The following CCND3 variants were observed in gnomAD, a reference collection of about 807,000 sequenced individuals.
CCND3 encodes cyclin D3, also known as G1/S-specific cyclin-D3.
A neutral mutation model predicts 28.7 loss-of-function variants in CCND3; 9 were observed. The observed-to-expected ratio is 0.31, with a 90% CI of 0.19 to 0.55. CCND3 has a LOEUF of 0.55. Ranked by LOEUF, CCND3 falls within the 20% of genes least tolerant of loss-of-function variation. CCND3 has a pLI of 0.93. For missense variants in CCND3, 315 were observed against 385.8 expected (o/e 0.82, Z 1.54); for synonymous variants, 164 against 163.9 (o/e 1.00, Z 0.00).
chr6:42,000,510 G>T (rs1015050514), intron 1 of CCND3, among the ~76,000 whole-genome samples: 1 of 149,044 alleles, frequency 6.7e-6, no homozygotes, highest in Non-Finnish European at 1.5e-5. Flanking sequence ...TTATAAGCGT[G>T]AGCCACCGCG....
intron 1 of CCND3, among the ~76,000 whole-genome samples, chr6:41,981,212 A>G (rs936872152): frequency 3.9e-5 from 6 of 152,020 alleles, no homozygotes; most frequent in Admixed American, 1.3e-4. Flanking sequence ...ATTTATTTTT[A>G]TTTACTTTTT....
intron 1 of CCND3, among the ~76,000 whole-genome samples, chr6:42,020,309 C>A (rs1342362335): frequency 6.6e-6 from 1 of 152,186 alleles, no homozygotes; most frequent in Non-Finnish European, 1.5e-5. Flanking sequence ...AAAAGAAAAA[C>A]CTTAAGAACA....
rs1238860882 is a variant in CCND3 at position 41,951,575 on chromosome 6, C to CACAA, written c.-45-10991_-45-10990insTTGT. On this transcript the variant is annotated intron_variant, in intron 1 of 4. Coordinates refer to the CCND3 transcript ENST00000372988. The stretch of plus-strand genomic sequence containing the variant: ...ACACACACACACACACACACACACA[C>CACAA]AAAAAAAAAGATTAAGTGGGAGTAA... Among the ~76,000 whole-genome samples, 338 of 70,170 alleles carry CACAA rather than the reference C, an allele frequency of 4.8e-3. 9 individuals carry two copies. The highest frequency in any genetic ancestry group is 0.038 in the East Asian group (77 of 2,028). 46.0% of individuals were successfully genotyped at this position (70,170 alleles called of 152,430 possible). A position where few individuals can be genotyped will look rare whatever the true frequency, so the allele number is the denominator to read the frequency against.
rs144263828 is a variant in CCND3, at chr6:41,995,536, G to A, written c.-46+52965C>T. On this transcript the variant is annotated intron_variant, in intron 1 of 4. Transcript: ENST00000372988. Reference sequence around the variant, plus strand: ...CTCCCAAAGTGCTGGGATTACAGGCGTGAGCCACTGCACATGCCCAAAGTA... The same window carrying A: ...CTCCCAAAGTGCTGGGATTACAGGCATGAGCCACTGCACATGCCCAAAGTA... Among the ~76,000 whole-genome samples, 1,407 of 152,144 alleles carry A rather than the reference G, an allele frequency of 9.2e-3. 23 individuals carry two copies. Among genetic ancestry groups the A allele is most frequent in the African/African-American group, 0.032 (1,345 of 41,492 alleles).
At chr6:41,949,972 G>A (rs1472075852) in intron 1 of CCND3, among the ~76,000 whole-genome samples, 14 of 151,216 alleles carry the variant, frequency 9.3e-5, no homozygotes, top group African/African-American at 1.7e-4. Context: ...GTGTGGTGGC[G>A]GGTGCCTGTA....
At position 41,935,621 on chromosome 6, in the gene CCND3, G is replaced by C; in HGVS notation, c.*319C>G. 1 of 470,780 alleles carries C rather than the reference G, an allele frequency of 2.1e-6. No homozygotes were observed. The highest frequency in any genetic ancestry group is 3.1e-5 in the East Asian group (1 of 32,682). The allele number at this position is 470,780 out of a possible 1,614,324, so 29.2% of individuals were successfully genotyped here. A position where few individuals can be genotyped will look rare whatever the true frequency, so the allele number is the denominator to read the frequency against. On this transcript the variant is annotated 3_prime_UTR_variant, in exon 5 of 5. Coordinates refer to ENST00000372991, the MANE Select transcript of CCND3 (RefSeq NM_001760.5). ...AAACATGAGAGCCCCCAGGGGTGGG[G>C]GGGGGCGTTCAAAAGGAATGCTGGT...
intron 1 of CCND3, among the ~76,000 whole-genome samples, chr6:42,007,345 G>A (rs1763206228): frequency 6.6e-6 from 1 of 152,188 alleles, no homozygotes; most frequent in Admixed American, 6.5e-5. Context: ...TAGATGGGCG[G>A]GTGGATGGCC....
upstream of CCND3, chr6:41,941,916 C>T (rs1177720446): frequency 5.1e-6 from 1 of 197,948 alleles, no homozygotes; most frequent in East Asian, 1.1e-4. This position sits in a 1 kb window ranked among gnomAD's most constrained non-coding sequence, Gnocchi z 6.1. Context: ...TGGCTGAGCG[C>T]TCTCCCCTCC....
chr6:42,035,390 C>T (rs898540547), intron 1 of CCND3, among the ~76,000 whole-genome samples: 2 of 152,056 alleles, frequency 1.3e-5, no homozygotes, highest in African/African-American at 4.8e-5. Context: ...TTTTTTGAGA[C>T]GGAGTCTCAC....
At chr6:41,940,777 G>A in intron 1 of CCND3, 192 bp from the exon 2 acceptor site, 1 of 809,474 alleles carries the variant, frequency 1.2e-6, no homozygotes, top group Non-Finnish European at 2.1e-6. Context: ...CCTCTGCGCG[G>A]CCTCCTCCCC....
At chr6:41,961,800 T>C (rs996363076) in intron 1 of CCND3, among the ~76,000 whole-genome samples, 10 of 152,052 alleles carry the variant, frequency 6.6e-5, no homozygotes, top group Admixed American at 3.9e-4. Context: ...TACCTCAAAC[T>C]CAAGATGCTC....
intron 1 of CCND3, among the ~76,000 whole-genome samples, chr6:42,015,219 C>A (rs6906330): frequency 0.77 from 117,358 of 151,444 alleles, 46,312 homozygotes; most frequent in Non-Finnish European, 0.85. Flanking sequence ...CCAGAATGGA[C>A]ACCCTTAACC....
chr6:42,006,832 C>T (rs4714543), intron 1 of CCND3, among the ~76,000 whole-genome samples: 148,372 of 151,452 alleles, frequency 0.98, 72,748 homozygotes, highest in East Asian at 1. Flanking sequence ...GGTGTGAACC[C>T]AGGGGGCAGA....
intron 1 of CCND3, among the ~76,000 whole-genome samples, chr6:42,022,622 G>A (rs915001710): frequency 6.6e-6 from 1 of 152,202 alleles, no homozygotes; most frequent in Non-Finnish European, 1.5e-5. Flanking sequence ...CAACCGCCAG[G>A]GGGTCTTCCC....
intron 1 of CCND3, among the ~76,000 whole-genome samples, chr6:42,037,513 G>A (rs1350424741): frequency 6.6e-6 from 1 of 151,940 alleles, no homozygotes; most frequent in African/African-American, 2.4e-5. Flanking sequence ...GGGATTACAG[G>A]CGTGAGCCAC....
At chr6:41,985,223 T>G (rs1762452190) in intron 1 of CCND3, among the ~76,000 whole-genome samples, 1 of 151,010 alleles carries the variant, frequency 6.6e-6, no homozygotes, top group Non-Finnish European at 1.5e-5. Flanking sequence ...TCCAAAAAAA[T>G]CTTTGCCCAG....
At chr6:42,000,717 G>C (rs867067486) in intron 1 of CCND3, among the ~76,000 whole-genome samples, 81 of 150,986 alleles carry the variant, frequency 5.4e-4, no homozygotes, top group Middle Eastern at 3.4e-3. Flanking sequence ...ACAGGCATGT[G>C]CCACCATGCC....
At position 41,941,131 on chromosome 6, in the gene CCND3, A is replaced by C; in HGVS notation, c.198+321T>G. On this transcript the variant is annotated intron_variant, in intron 1 of 4. Coordinates refer to ENST00000372991, the MANE Select transcript of CCND3 (RefSeq NM_001760.5). This position sits in a 1 kb window ranked among gnomAD's most constrained non-coding sequence, Gnocchi z 6.1. ...GGTTTTCCAGGCGCGCTCTCCGGAGAAGGCCGGGAGGCGGAGGGAAGCGGG... is the reference window on the plus strand; with the variant it reads ...GGTTTTCCAGGCGCGCTCTCCGGAGCAGGCCGGGAGGCGGAGGGAAGCGGG... 4.0e-6 allele frequency: 6 copies of C among 1,494,394 alleles called. No individual in the cohort carries two copies. Among genetic ancestry groups the C allele is most frequent in the Non-Finnish European group, 5.3e-6 (6 of 1,126,602 alleles). 92.6% of individuals were successfully genotyped at this position (1,494,394 alleles called of 1,614,324 possible).
chr6:41,941,430 G>T lies in CCND3; in HGVS notation c.198+22C>A. 6.2e-7 allele frequency: 1 copy of T among 1,606,064 alleles called. No homozygotes were observed. Among genetic ancestry groups the T allele is most frequent in the Non-Finnish European group, 8.5e-7 (1 of 1,177,964 alleles). ...GTCCAGACCCGGGAGCGGTGGGGGA[G>T]GGGGACGCGTCCGGGCGGTACCTCC... On this transcript the variant is annotated intron_variant, in intron 1 of 4. Transcript: ENST00000372991. The surrounding 1 kb of genome is among the most constrained non-coding windows in gnomAD (Gnocchi z 6.1).
Sources: gnomAD v4.1 joint callset for allele counts (sites outside exome capture counted in the v4.1 genomes callset) on GRCh38, gnomAD v4.1.1 for gene constraint, Gnocchi (gnomAD v3.1) non-coding constraint, MANE v1.5 for transcripts, NCBI Gene and HGNC (gene_info 2026-07-23, HGNC 2026-07-21) for gene names.